The following MYRFL variants were observed in gnomAD, a reference collection of about 807,000 sequenced individuals.
The protein encoded by MYRFL is myelin regulatory factor-like protein.
MYRFL carries 88 observed loss-of-function variants against 109.4 expected under a neutral mutation model. That is an observed-to-expected ratio of 0.80 (90% CI 0.68 to 0.96). The LOEUF (loss-of-function observed/expected upper bound fraction) is 0.96. Ranked by LOEUF, MYRFL falls within the 40% of genes least tolerant of loss-of-function variation. The pLI is 0.00. For synonymous variants in MYRFL, 324 were observed against 320.9 expected (o/e 1.01, Z -0.10); for missense variants, 957 against 954.9 (o/e 1.00, Z -0.03).
intron 10 of MYRFL, among the ~76,000 whole-genome samples, chr12:69,902,328 TTG>T (rs1203596106): frequency 1.3e-5 from 2 of 152,250 alleles, no homozygotes; most frequent in East Asian, 3.8e-4. Context: ...GAAATAAACT[TTG>T]TGGTTTCTTT....
chr12:69,836,702 C>G (rs1158610138), intron 1 of MYRFL, among the ~76,000 whole-genome samples: 1 of 152,062 alleles, frequency 6.6e-6, no homozygotes, highest in Non-Finnish European at 1.5e-5. Flanking sequence ...TCCTTTTATC[C>G]GTATAAGGAT....
chr12:69,947,816 T>C (rs1341079716), intron 19 of MYRFL, among the ~76,000 whole-genome samples: 2 of 152,078 alleles, frequency 1.3e-5, no homozygotes, highest in Non-Finnish European at 2.9e-5. Flanking sequence ...ATGAGTCTGG[T>C]TCAGTGAAGG....
intron 19 of MYRFL, among the ~76,000 whole-genome samples, chr12:69,938,700 G>A (rs1322882885): frequency 6.6e-6 from 1 of 152,104 alleles, no homozygotes; most frequent in Non-Finnish European, 1.5e-5. Context: ...TAAAGATATA[G>A]GAATAGGAAC....
chr12:69,861,518 A>G (rs1022527495), intron 2 of MYRFL, among the ~76,000 whole-genome samples: 4 of 152,016 alleles, frequency 2.6e-5, no homozygotes, highest in African/African-American at 9.7e-5. Context: ...GCATTTTTTC[A>G]TGTGTGTTTT....
chr12:69,903,839 C>T lies in MYRFL; in HGVS notation c.1378C>T (p.Gln460Ter). 2 of 1,529,078 alleles carry T rather than the reference C, an allele frequency of 1.3e-6. No individual in the cohort carries two copies. The highest frequency in any genetic ancestry group is 1.8e-6 in the Non-Finnish European group (2 of 1,142,412). 94.7% of individuals were successfully genotyped at this position (1,529,078 alleles called of 1,614,324 possible). The change falls in exon 11 of 25, where the codon CAG (glutamine) becomes TAG (stop). Residue 460 changes from glutamine (Q) to a stop codon, truncating the protein, a stop_gained. Transcript: ENST00000552032. LOFTEE classifies it high-confidence loss of function. ...PSDSRAKQNI[Q>*]EVDTNEQLKR... ...TGACAGCCGGGCAAAGCAGAATATC[C>T]AGGAGGTGAGCACAGATTCAGGCCC...
chr12:69,846,133 T>TTTTTTCC (rs869303339), intron 1 of MYRFL, among the ~76,000 whole-genome samples: 1 of 124,482 alleles, frequency 8.0e-6, no homozygotes. Context: ...TTTTTTTTTT[T>TTTTTTCC]ATGACTGCCA....
chr12:69,901,320 T>C (rs1052701591), intron 10 of MYRFL, among the ~76,000 whole-genome samples: 5 of 152,190 alleles, frequency 3.3e-5, no homozygotes, highest in African/African-American at 9.7e-5. Flanking sequence ...CACATGAAGG[T>C]TGTGGATTCC....
At chr12:69,826,592 G>A (rs1882292720) in intron 1 of MYRFL, among the ~76,000 whole-genome samples, 1 of 151,950 alleles carries the variant, frequency 6.6e-6, no homozygotes, top group Admixed American at 6.6e-5. Flanking sequence ...TTATTTCTAT[G>A]GGATCCCTAT....
intron 5 of MYRFL, among the ~76,000 whole-genome samples, chr12:69,880,938 G>A (rs1351714579): frequency 3.2e-5 from 4 of 125,526 alleles, no homozygotes; most frequent in Non-Finnish European, 3.4e-5. Flanking sequence ...ATGTCCAAGC[G>A]GTCAGCCTTC....
chr12:69,859,634 G>C (rs1359280485), intron 2 of MYRFL, among the ~76,000 whole-genome samples: 2 of 152,118 alleles, frequency 1.3e-5, no homozygotes, highest in African/African-American at 4.8e-5. Context: ...TTTCTCAAAA[G>C]AAGACATTTA....
At chr12:69,898,469 C>T (rs1196298873) in intron 10 of MYRFL, among the ~76,000 whole-genome samples, 1 of 152,140 alleles carries the variant, frequency 6.6e-6, no homozygotes, top group Admixed American at 6.5e-5. Context: ...GCAGGTGGGG[C>T]CCTCTCCTTG....
At chr12:69,904,576 C>A (rs1954294919) in intron 11 of MYRFL, among the ~76,000 whole-genome samples, 1 of 152,124 alleles carries the variant, frequency 6.6e-6, no homozygotes, top group Non-Finnish European at 1.5e-5. Flanking sequence ...TGCCTGACAC[C>A]CTTGGCTCTT....
intron 5 of MYRFL, among the ~76,000 whole-genome samples, chr12:69,883,158 T>C (rs1373474235): frequency 1.3e-5 from 2 of 152,210 alleles, no homozygotes; most frequent in East Asian, 1.9e-4. Flanking sequence ...AGAGGAAGAT[T>C]TGAATCTCAC....
intron 1 of MYRFL, among the ~76,000 whole-genome samples, chr12:69,843,312 AC>A (rs1290123812): frequency 1.3e-5 from 2 of 152,150 alleles, no homozygotes; most frequent in African/African-American, 4.8e-5. Flanking sequence ...CCTTTGGGAG[AC>A]CCTCATTATT....
At chr12:69,873,027 A>G (rs1404991482) in intron 2 of MYRFL, among the ~76,000 whole-genome samples, 4 of 152,182 alleles carry the variant, frequency 2.6e-5, no homozygotes. Context: ...ATATGTTGCA[A>G]TACCTCTACT....
intron 1 of MYRFL, among the ~76,000 whole-genome samples, chr12:69,830,606 C>A (rs1328825590): frequency 6.6e-6 from 1 of 151,872 alleles, no homozygotes; most frequent in Non-Finnish European, 1.5e-5. Flanking sequence ...GGAACAAGAA[C>A]ATGCCAAAGA....
At chr12:69,950,481 A>AT (rs550698297) in intron 19 of MYRFL, among the ~76,000 whole-genome samples, 2 of 152,182 alleles carry the variant, frequency 1.3e-5, no homozygotes, top group South Asian at 2.1e-4. Context: ...CAAATGTTAT[A>AT]TTTTTTCATA....
intron 2 of MYRFL, among the ~76,000 whole-genome samples, chr12:69,875,129 A>T (rs368799648): frequency 1.3e-5 from 2 of 149,166 alleles, no homozygotes; most frequent in African/African-American, 2.4e-5. Context: ...TTATATCTTA[A>T]TTTTTTTTTC....
chr12:69,875,488 T>C (rs1297658866), intron 2 of MYRFL, among the ~76,000 whole-genome samples: 3 of 152,200 alleles, frequency 2.0e-5, no homozygotes, highest in African/African-American at 4.8e-5. Context: ...TGTTCACAGA[T>C]TGTTCTCTCC....
Sources: allele counts gnomAD v4.1 joint callset (sites outside exome capture counted in the v4.1 genomes callset), GRCh38; gene constraint gnomAD v4.1.1; transcripts MANE v1.5; gene names NCBI Gene and HGNC (gene_info 2026-07-23, HGNC 2026-07-21).